The following CHCHD6 variants were observed in gnomAD, a reference collection of about 807,000 sequenced individuals.
The protein encoded by CHCHD6 is MICOS complex subunit MIC25.
CHCHD6 carries 28 observed loss-of-function variants against 32.3 expected under a neutral mutation model. The observed-to-expected ratio is 0.87, with a 90% CI of 0.64 to 1.19. The LOEUF (loss-of-function observed/expected upper bound fraction) is 1.19, where lower values mean the gene tolerates loss of function less well. Ranked by LOEUF, CHCHD6 falls within the 50% of genes most tolerant of loss-of-function variation. The pLI is 0.00. For missense variants in CHCHD6, 333 were observed against 307.0 expected, an observed-to-expected ratio of 1.08 and a Z score of -0.63; for synonymous variants, 122 against 117.5, an observed-to-expected ratio of 1.04 and a Z score of -0.25.
chr3:126,934,405 C>T (rs1400123169), intron 6 of CHCHD6, among the ~76,000 whole-genome samples: 1 of 152,066 alleles, frequency 6.6e-6, no homozygotes. Context: ...TGACAGCTGC[C>T]TCTGGGGTCA....
intron 6 of CHCHD6, among the ~76,000 whole-genome samples, chr3:126,944,150 TGA>T (rs1254660494): frequency 2.0e-5 from 3 of 152,260 alleles, no homozygotes; most frequent in African/African-American, 7.2e-5. Flanking sequence ...CAATAGGCGC[TGA>T]GCTGTGTTCA....
intron 1 of CHCHD6, among the ~76,000 whole-genome samples, chr3:126,715,575 C>G (rs915165924): frequency 1.6e-4 from 24 of 152,110 alleles, no homozygotes; most frequent in Non-Finnish European, 5.9e-5. Flanking sequence ...GAGAGGTAGC[C>G]TCTTGTAGCT....
intron 4 of CHCHD6, among the ~76,000 whole-genome samples, chr3:126,769,416 A>G (rs550188730): frequency 6.6e-6 from 1 of 152,260 alleles, no homozygotes; most frequent in South Asian, 2.1e-4. Flanking sequence ...TGTTTACTGT[A>G]GCCCTGTAGT....
At chr3:126,930,358 C>T (rs2078386488) in intron 6 of CHCHD6, among the ~76,000 whole-genome samples, 2 of 152,172 alleles carry the variant, frequency 1.3e-5, no homozygotes, top group Admixed American at 6.5e-5. Context: ...TTCCCATTCT[C>T]GAGAATTCTG....
At chr3:126,788,310 G>A (rs1463461789) in intron 4 of CHCHD6, among the ~76,000 whole-genome samples, 5 of 152,134 alleles carry the variant, frequency 3.3e-5, no homozygotes, top group African/African-American at 7.2e-5. Flanking sequence ...TCTCTGCCAG[G>A]CTTTGGTATC....
At chr3:126,713,703 T>C (rs915701072) in intron 1 of CHCHD6, among the ~76,000 whole-genome samples, 5 of 152,182 alleles carry the variant, frequency 3.3e-5, no homozygotes, top group Non-Finnish European at 7.4e-5. Flanking sequence ...TTCGTCTCTC[T>C]GTCCCCAGCA....
At chr3:126,939,258 A>G (rs2078525285) in intron 6 of CHCHD6, among the ~76,000 whole-genome samples, 1 of 152,084 alleles carries the variant, frequency 6.6e-6, no homozygotes, top group Non-Finnish European at 1.5e-5. Flanking sequence ...CTTTATTTTG[A>G]TGCCTTGGGA....
chr3:126,894,118 T>C (rs1235675430), intron 5 of CHCHD6, among the ~76,000 whole-genome samples: 1 of 152,264 alleles, frequency 6.6e-6, no homozygotes, highest in Non-Finnish European at 1.5e-5. Flanking sequence ...AGCTGCATCA[T>C]GGTAACACCT....
At chr3:126,892,713 AAACTCCTGAGG>A (rs2077781105) in intron 5 of CHCHD6, among the ~76,000 whole-genome samples, 2 of 152,182 alleles carry the variant, frequency 1.3e-5, no homozygotes, top group South Asian at 2.1e-4. Context: ...ATGAGTTTAG[AAACTCCTGAGG>A]AACTGGCATA....
intron 5 of CHCHD6, among the ~76,000 whole-genome samples, chr3:126,908,309 C>T (rs1453601465): frequency 1.3e-5 from 2 of 152,230 alleles, no homozygotes; most frequent in Non-Finnish European, 2.9e-5. Context: ...GCCCCACCCT[C>T]AGACTCCTCT....
At chr3:126,882,714 T>G (rs1231932487) in intron 5 of CHCHD6, among the ~76,000 whole-genome samples, 2 of 152,204 alleles carry the variant, frequency 1.3e-5, no homozygotes, top group Non-Finnish European at 2.9e-5. Context: ...TTATCACACA[T>G]GCAAGACTTC....
At chr3:126,811,200 A>G (rs1400936032) in intron 4 of CHCHD6, among the ~76,000 whole-genome samples, 1 of 152,176 alleles carries the variant, frequency 6.6e-6, no homozygotes, top group African/African-American at 2.4e-5. Context: ...TTTCATTCCC[A>G]TCAAGAGCTA....
chr3:126,871,545 C>T (rs1011131648), intron 5 of CHCHD6, among the ~76,000 whole-genome samples: 3 of 152,034 alleles, frequency 2.0e-5, no homozygotes, highest in Non-Finnish European at 4.4e-5. Context: ...CCCAGGATGA[C>T]GTGTTCCCTC....
At chr3:126,872,949 A>T (rs919361930) in intron 5 of CHCHD6, among the ~76,000 whole-genome samples, 7 of 152,184 alleles carry the variant, frequency 4.6e-5, no homozygotes, top group African/African-American at 1.7e-4. Flanking sequence ...TCAACACAGG[A>T]GTGTACTTTT....
At chr3:126,843,322 A>C (rs1016442318) in intron 4 of CHCHD6, among the ~76,000 whole-genome samples, 1 of 151,926 alleles carries the variant, frequency 6.6e-6, no homozygotes, top group Non-Finnish European at 1.5e-5. Context: ...TCTATTAAGG[A>C]TTTTTACATC....
chr3:126,715,312 C>G (rs1477316463), intron 1 of CHCHD6, among the ~76,000 whole-genome samples: 1 of 152,184 alleles, frequency 6.6e-6, no homozygotes, highest in African/African-American at 2.4e-5. Flanking sequence ...GTTTCTTCAT[C>G]TGTAAAGTGG....
intron 4 of CHCHD6, among the ~76,000 whole-genome samples, chr3:126,821,949 T>TA (rs1210806097): frequency 2.0e-5 from 3 of 152,228 alleles, no homozygotes; most frequent in Admixed American, 6.5e-5. Flanking sequence ...GAGAATTTTT[T>TA]ATATGTCCTG....
intron 4 of CHCHD6, among the ~76,000 whole-genome samples, chr3:126,825,702 TTA>T (rs146549098): frequency 0.022 from 3,426 of 152,320 alleles, 62 homozygotes; most frequent in Non-Finnish European, 0.031. Flanking sequence ...AATGTTAACT[TTA>T]CTACTTTAAC....
chr3:126,861,389 T>C (rs1353221590), intron 5 of CHCHD6, among the ~76,000 whole-genome samples: 1 of 151,972 alleles, frequency 6.6e-6, no homozygotes, highest in African/African-American at 2.4e-5. Context: ...TCTTCATCTA[T>C]ATAAAGTTTC....
Sources: allele counts gnomAD v4.1 joint callset (sites outside exome capture counted in the v4.1 genomes callset), GRCh38; gene constraint gnomAD v4.1.1; transcripts MANE v1.5; gene names NCBI Gene and HGNC (gene_info 2026-07-23, HGNC 2026-07-21).